ELAPOR1: variants seen among roughly 807,000 people sequenced by gnomAD.
ELAPOR1 encodes the protein endosome/lysosome-associated apoptosis and autophagy regulator 1.
Under a neutral mutation model 119.7 loss-of-function variants are expected in ELAPOR1, and 77 were observed. The observed-to-expected ratio is 0.64, with a 90% CI of 0.54 to 0.78. The LOEUF is 0.78. Among genes scored for constraint, ELAPOR1 ranks in the 30% least tolerant of loss-of-function variants. The pLI is 0.00. For missense variants in ELAPOR1, 1,115 were observed against 1,270.4 expected (o/e 0.88, Z 1.86); for synonymous variants, 481 against 487.2 (o/e 0.99, Z 0.17).
intron 1 of ELAPOR1, among the ~76,000 whole-genome samples, chr1:109,141,458 T>C (rs1373701987): frequency 6.6e-6 from 1 of 151,066 alleles, no homozygotes; most frequent in African/African-American, 2.4e-5. Context: ...AGACAGGGTT[T>C]CACCGTGTTA....
chr1:109,174,284 G>A (rs1422140458), intron 7 of ELAPOR1, among the ~76,000 whole-genome samples: 1 of 150,688 alleles, frequency 6.6e-6, no homozygotes, highest in Non-Finnish European at 1.5e-5. Context: ...CTCAAGCTGT[G>A]AGCCTATAAT....
At chr1:109,164,986 T>C (rs1011941321) in intron 3 of ELAPOR1, among the ~76,000 whole-genome samples, 2 of 152,138 alleles carry the variant, frequency 1.3e-5, no homozygotes, top group Admixed American at 1.3e-4. Context: ...TGGCCCAGTC[T>C]ATTTAAAACA....
intron 7 of ELAPOR1, among the ~76,000 whole-genome samples, chr1:109,175,816 G>T (rs1162204871): frequency 1.1e-5 from 1 of 94,606 alleles, no homozygotes; most frequent in Non-Finnish European, 1.9e-5. Context: ...GATAGAGCGA[G>T]ACTCAGTCTC....
chr1:109,116,260 A>G (rs925013056), intron 1 of ELAPOR1, among the ~76,000 whole-genome samples: 5 of 152,244 alleles, frequency 3.3e-5, no homozygotes, highest in African/African-American at 1.2e-4. Flanking sequence ...TCAACCTACC[A>G]GGGTTTCAGT....
intron 1 of ELAPOR1, among the ~76,000 whole-genome samples, chr1:109,139,917 G>A (rs1649724382): frequency 6.6e-6 from 1 of 151,978 alleles, no homozygotes; most frequent in African/African-American, 2.4e-5. Flanking sequence ...GACCACAGGT[G>A]TGTGCCACCA....
rs148001358 is a variant in ELAPOR1, at chr1:109,161,283, G to A, written c.154-611G>A. On this transcript the variant is annotated intron_variant, in intron 1 of 21. Coordinates refer to ENST00000369939, the MANE Select transcript of ELAPOR1 (RefSeq NM_020775.5). ...AAATTAGCCTGGCGTGGTGGCACTCGCCTGTAGTCCCAGCTACTCGGGAGG... is the reference window on the plus strand; with the variant it reads ...AAATTAGCCTGGCGTGGTGGCACTCACCTGTAGTCCCAGCTACTCGGGAGG... Among the ~76,000 whole-genome samples the A allele has an allele frequency of 3.9e-3, 588 of 152,034 alleles. 3 individuals carry two copies. Among genetic ancestry groups the A allele is most frequent in the African/African-American group, 0.013 (555 of 41,468 alleles).
intron 14 of ELAPOR1, among the ~76,000 whole-genome samples, chr1:109,193,656 G>C (rs1653590596): frequency 6.6e-6 from 1 of 152,218 alleles, no homozygotes; most frequent in African/African-American, 2.4e-5. Context: ...ATTAATCGAT[G>C]CTTTTAAATG....
intron 1 of ELAPOR1, among the ~76,000 whole-genome samples, chr1:109,158,101 T>C (rs1412133393): frequency 2.0e-5 from 3 of 152,190 alleles, no homozygotes; most frequent in Non-Finnish European, 4.4e-5. Flanking sequence ...ATGGCCAGGC[T>C]GGTCTCAAAC....
intron 1 of ELAPOR1, among the ~76,000 whole-genome samples, chr1:109,133,437 A>C (rs1272665241): frequency 6.6e-6 from 1 of 152,220 alleles, no homozygotes; most frequent in African/African-American, 2.4e-5. Context: ...CAGGTGCAAC[A>C]GAAAGATGTA....
At chr1:109,128,334 G>A (rs951180148) in intron 1 of ELAPOR1, among the ~76,000 whole-genome samples, 1 of 152,192 alleles carries the variant, frequency 6.6e-6, no homozygotes, top group Non-Finnish European at 1.5e-5. Flanking sequence ...TAATAAACCT[G>A]CATGCTAATT....
Position 109,174,413 on chromosome 1 carries a change from T to TAAAAAA in ELAPOR1, c.952+606_952+611dup, listed in dbSNP as rs59275691. 9.9e-3 allele frequency among the ~76,000 whole-genome samples: 416 copies of TAAAAAA among 42,036 alleles called. 19 individuals carry two copies. The highest frequency in any genetic ancestry group is 0.012 in the Non-Finnish European group (303 of 24,768). The allele number at this position is 42,036 out of a possible 152,430, so 27.6% of individuals were successfully genotyped here. ...GGGTGACAGAGTAAGACCCTGTCTC[T>TAAAAAA]AAAAAAAAAAAAAAAAAAAAAAAAA... On this transcript the variant is annotated intron_variant, in intron 7 of 21. Transcript: ENST00000369939.
In ELAPOR1 at chr1:109,161,928, G is replaced by A. The variant is rs758725473; in HGVS notation, c.188G>A (p.Ser63Asn). The A allele has an allele frequency of 1.1e-5, 17 of 1,614,010 alleles. No individual in the cohort carries two copies. Among genetic ancestry groups the A allele is most frequent in the South Asian group, 4.4e-5 (4 of 91,078 alleles). Reference protein sequence around the residue: ...EYHYEYTACDSTGSRWRVAVP... With the variant: ...EYHYEYTACDNTGSRWRVAVP... ...CACTATGAGTACACGGCGTGTGACAGCACGGGTTCCAGGTGGAGGGTCGCC... is the reference window on the plus strand; with the variant it reads ...CACTATGAGTACACGGCGTGTGACAACACGGGTTCCAGGTGGAGGGTCGCC... The change falls in exon 2 of 22, where the codon AGC (serine) becomes AAC (asparagine). Residue 63 changes from serine (S) to asparagine (N), a missense_variant. Physicochemically the swap from Ser to Asn is conservative, Grantham distance 46. Transcript: ENST00000369939.
intron 1 of ELAPOR1, among the ~76,000 whole-genome samples, chr1:109,144,519 T>C (rs1039352259): frequency 6.6e-6 from 1 of 152,090 alleles, no homozygotes. Context: ...TGTGGGAAGA[T>C]TACCTGAGGT....
chr1:109,169,325 C>T (rs566498171), intron 3 of ELAPOR1, among the ~76,000 whole-genome samples: 15 of 152,250 alleles, frequency 9.9e-5, no homozygotes, highest in East Asian at 1.9e-4. Flanking sequence ...CTGCAACCTC[C>T]GCCTCCCAAG....
rs1001994937 is a variant in ELAPOR1 at position 109,184,947 on chromosome 1, A to G, written c.953-98A>G. 1.2e-5 allele frequency: 10 copies of G among 851,882 alleles called. No homozygotes were observed. The Middle Eastern group carries it at 9.0e-4, about 76-fold the overall frequency. The allele number at this position is 851,882 out of a possible 1,614,324, so 52.8% of individuals were successfully genotyped here. On this transcript the variant is annotated intron_variant, in intron 7 of 21. Coordinates refer to ENST00000369939, the MANE Select transcript of ELAPOR1 (RefSeq NM_020775.5). Reference sequence around the variant, plus strand: ...TACTTCCGGCAATATTTGTGTGGCAATGCACCCAGGGACTTGGGAGTCACA... The same window carrying G: ...TACTTCCGGCAATATTTGTGTGGCAGTGCACCCAGGGACTTGGGAGTCACA...
chr1:109,130,170 T>C (rs2100978347), intron 1 of ELAPOR1, among the ~76,000 whole-genome samples: 1 of 152,342 alleles, frequency 6.6e-6, no homozygotes, highest in East Asian at 1.9e-4. Context: ...TCATCTTGAC[T>C]AACTATATCT....
intron 7 of ELAPOR1, among the ~76,000 whole-genome samples, chr1:109,180,329 T>A (rs549461900): frequency 9.2e-5 from 14 of 152,242 alleles, no homozygotes; most frequent in African/African-American, 3.1e-4. Flanking sequence ...TATCTGTGCC[T>A]CCGTTTCTTT....
chr1:109,129,276 T>G (rs1396629294), intron 1 of ELAPOR1, among the ~76,000 whole-genome samples: 2 of 152,170 alleles, frequency 1.3e-5, no homozygotes, highest in Non-Finnish European at 2.9e-5. Context: ...TTGGGAGGCC[T>G]AGGCGGGTGG....
intron 1 of ELAPOR1, among the ~76,000 whole-genome samples, chr1:109,124,129 T>A (rs599546): frequency 0.28 from 42,254 of 152,170 alleles, 6,252 homozygotes; most frequent in Middle Eastern, 0.38. Context: ...CATAAGTGTG[T>A]TTATTCCACA....
Sources: allele counts gnomAD v4.1 joint callset (sites outside exome capture counted in the v4.1 genomes callset), GRCh38; gene constraint gnomAD v4.1.1; transcripts MANE v1.5; gene names NCBI Gene and HGNC (gene_info 2026-07-23, HGNC 2026-07-21).